The following TET1 variants were observed in gnomAD, a reference collection of about 807,000 sequenced individuals.
TET1 encodes tet methylcytosine dioxygenase 1.
TET1 carries 13 observed loss-of-function variants against 148.7 expected under a neutral mutation model. The observed-to-expected ratio is 0.09, with a 90% CI of 0.06 to 0.14. The LOEUF is 0.14. Ranked by LOEUF, TET1 falls within the 10% of genes least tolerant of loss-of-function variation. The pLI is 1.00. For missense variants in TET1, 2,182 were observed against 2,553.8 expected (o/e 0.85, Z 3.14); for synonymous variants, 907 against 937.2 (o/e 0.97, Z 0.59).
chr10:68,658,668 T>A (rs889757614), intron 6 of TET1, among the ~76,000 whole-genome samples: 1 of 152,216 alleles, frequency 6.6e-6, no homozygotes, highest in Non-Finnish European at 1.5e-5. Flanking sequence ...TTTGACTCTT[T>A]TTCTCTGCTG....
intron 6 of TET1, among the ~76,000 whole-genome samples, chr10:68,658,701 C>A (rs1192715877): frequency 6.6e-6 from 1 of 152,016 alleles, no homozygotes; most frequent in African/African-American, 2.4e-5. Context: ...TTGTCAGAAA[C>A]AAGTTATCTT....
chr10:68,601,530 A>G (rs1220842148), intron 3 of TET1, among the ~76,000 whole-genome samples: 2 of 152,226 alleles, frequency 1.3e-5, no homozygotes, highest in African/African-American at 4.8e-5. Flanking sequence ...TTTAATCTCA[A>G]ATTCTCATAA....
intron 1 of TET1, among the ~76,000 whole-genome samples, chr10:68,568,182 C>T (rs530194504): frequency 2.0e-5 from 3 of 150,012 alleles, no homozygotes; most frequent in Admixed American, 1.3e-4. Context: ...TGCGCCCAGC[C>T]TTTGGGATTA....
At chr10:68,631,846 A>C (rs529695339) in intron 3 of TET1, among the ~76,000 whole-genome samples, 7 of 152,066 alleles carry the variant, frequency 4.6e-5, no homozygotes, top group Non-Finnish European at 8.8e-5. Flanking sequence ...CTAGAGACCC[A>C]AGACCACAGG....
At position 68,646,825 on chromosome 10, in the gene TET1, G is replaced by A; in HGVS notation, c.4096G>A (p.Val1366Met). The A allele has an allele frequency of 1.2e-6, 2 of 1,614,190 alleles. No homozygotes were observed. Among genetic ancestry groups the A allele is most frequent in the African/African-American group, 1.3e-5 (1 of 75,056 alleles). ...VNVVCSGGIT[V>M]VSTKSEEEVC... ...TGTAGTGTGTTCAGGTGGAATTACA[G>A]TGGTTTCTACCAAAAGTGAAGAGGA... Residue 1366 changes from valine to methionine, a missense_variant, in exon 4 of 12, where the codon GTG becomes ATG. Around this residue, in one of 11 missense-constraint regions of TET1, gnomAD observed 169 missense variants for 263.7 expected, o/e 0.64. Transcript: ENST00000373644.
intron 11 of TET1, among the ~76,000 whole-genome samples, chr10:68,690,186 G>C (rs1017373329): frequency 3.3e-5 from 5 of 152,096 alleles, no homozygotes; most frequent in African/African-American, 1.2e-4. Context: ...ACAACATTTA[G>C]TTGTATTACT....
intron 8 of TET1, chr10:68,674,576 A>G: frequency 3.7e-6 from 2 of 541,754 alleles, no homozygotes; most frequent in Admixed American, 2.1e-5. Context: ...TCAGCTGATT[A>G]CTGAAGATGT....
Position 68,574,037 on chromosome 10 carries a change from C to T in TET1, c.1699C>T (p.Pro567Ser). 1 of 1,614,168 alleles carries T rather than the reference C, an allele frequency of 6.2e-7. No homozygotes were observed. The highest frequency in any genetic ancestry group is 8.5e-7 in the Non-Finnish European group (1 of 1,180,044). ...CACCACAGTGGTGACTATGCCAGTGCCAATGGTCAGTACCTCCTCTTCTTC... is the reference window on the plus strand; with the variant it reads ...CACCACAGTGGTGACTATGCCAGTGTCAATGGTCAGTACCTCCTCTTCTTC... ...VNTTVVTMPVPMVSTSSSSYT... is the reference protein window; with the variant it reads ...VNTTVVTMPVSMVSTSSSSYT... The change falls in exon 2 of 12, where the codon CCA becomes TCA. Residue 567 changes from proline (P) to serine (S), a missense_variant. Pro to Ser is a moderately conservative substitution (Grantham distance 74). Transcript: ENST00000373644.
At chr10:68,601,087 A>G (rs908561229) in intron 3 of TET1, 53 bp downstream of exon 3, 2 of 1,487,324 alleles carry the variant, frequency 1.3e-6, no homozygotes, top group Non-Finnish European at 1.8e-6. Context: ...TTCATATAGT[A>G]TTTTTCTGCA....
At chr10:68,658,556 G>A (rs189992524) in intron 6 of TET1, among the ~76,000 whole-genome samples, 1 of 152,252 alleles carries the variant, frequency 6.6e-6, no homozygotes, top group East Asian at 1.9e-4. Flanking sequence ...TTCTTATGTT[G>A]TTTTGCCTAT....
At chr10:68,607,825 TG>T (rs1270717232) in intron 3 of TET1, among the ~76,000 whole-genome samples, 3 of 147,848 alleles carry the variant, frequency 2.0e-5, no homozygotes, top group Non-Finnish European at 4.5e-5. Context: ...TATATAAATA[TG>T]TTTATATATA....
intron 11 of TET1, among the ~76,000 whole-genome samples, chr10:68,689,187 T>A (rs2055557446): frequency 6.6e-6 from 1 of 152,184 alleles, no homozygotes; most frequent in Non-Finnish European, 1.5e-5. Context: ...GGTTTCCTGA[T>A]GTACCATTTC....
chr10:68,623,070 G>T (rs1240210743), intron 3 of TET1, among the ~76,000 whole-genome samples: 7 of 152,122 alleles, frequency 4.6e-5, no homozygotes, highest in African/African-American at 7.2e-5. Context: ...TAAAATTACT[G>T]TTTCCCTTTG....
chr10:68,683,667 C>CT (rs2055470094), intron 10 of TET1, among the ~76,000 whole-genome samples: 1 of 152,220 alleles, frequency 6.6e-6, no homozygotes, highest in East Asian at 1.9e-4. Flanking sequence ...CCACCTTGGC[C>CT]TCCCAAAGTG....
chr10:68,632,432 T>G (rs1184909071), intron 3 of TET1: 1 of 1,612,106 alleles, frequency 6.2e-7, no homozygotes, highest in African/African-American at 1.3e-5. Context: ...CTCCTAGGAT[T>G]TTTAGATGTT....
chr10:68,612,937 A>C (rs2054237975), intron 3 of TET1, among the ~76,000 whole-genome samples: 1 of 152,140 alleles, frequency 6.6e-6, no homozygotes, highest in South Asian at 2.1e-4. Flanking sequence ...AATCATTACA[A>C]ATCCTTTAAG....
Position 68,692,264 on chromosome 10 carries a change from A to T in TET1, c.*450A>T, listed in dbSNP as rs1174754956. ...TAAAAATAAGCTGAATTATTATTTC[A>T]TGGTGCCATTGTTCCAACATCTTCC... On this transcript the variant is annotated 3_prime_UTR_variant, in exon 12 of 12. Transcript: ENST00000373644. 1 of 234,840 alleles carries T rather than the reference A, an allele frequency of 4.3e-6. No individual in the cohort carries two copies. The highest frequency in any genetic ancestry group is 8.4e-6 in the Non-Finnish European group (1 of 119,132). The allele number at this position is 234,840 out of a possible 1,614,324, so 14.5% of individuals were successfully genotyped here.
intron 6 of TET1, among the ~76,000 whole-genome samples, chr10:68,658,788 A>T (rs958376448): frequency 2.6e-5 from 4 of 152,108 alleles, no homozygotes; most frequent in Non-Finnish European, 5.9e-5. Flanking sequence ...GAATCACTTG[A>T]ACCTAGGAGG....
At chr10:68,638,937 G>A (rs1055470465) in intron 3 of TET1, among the ~76,000 whole-genome samples, 6 of 151,972 alleles carry the variant, frequency 3.9e-5, no homozygotes, top group Non-Finnish European at 7.4e-5. Context: ...TGAGAAAATG[G>A]AGAGGGCGTA....
Sources: allele counts gnomAD v4.1 joint callset (sites outside exome capture counted in the v4.1 genomes callset), GRCh38; gene constraint gnomAD v4.1.1; regional missense constraint gnomAD v4.1.1; transcripts MANE v1.5; gene names NCBI Gene and HGNC (gene_info 2026-07-23, HGNC 2026-07-21).